Variants in CFAP299 observed in about 807,000 individuals in gnomAD.
CFAP299 encodes cilia- and flagella-associated protein 299.
A neutral mutation model predicts 27.0 loss-of-function variants in CFAP299; 21 were observed. That is an observed-to-expected ratio of 0.78 (90% CI 0.55 to 1.12). The LOEUF (loss-of-function observed/expected upper bound fraction) is 1.12, where lower values mean the gene tolerates loss of function less well. Among genes scored for constraint, CFAP299 ranks in the 50% most tolerant of loss-of-function variants. CFAP299 has a pLI of 0.00. For missense variants in CFAP299, 310 were observed against 276.6 expected (o/e 1.12, Z -0.86); for synonymous variants, 104 against 98.1 (o/e 1.06, Z -0.36).
intron 3 of CFAP299, among the ~76,000 whole-genome samples, chr4:80,780,324 T>C (rs760517334): frequency 1.3e-5 from 2 of 152,118 alleles, no homozygotes; most frequent in Non-Finnish European, 2.9e-5. Context: ...GCTGATGATC[T>C]CTCTATGCCA....
chr4:80,513,004 T>C (rs911848553), intron 2 of CFAP299, among the ~76,000 whole-genome samples: 6 of 152,158 alleles, frequency 3.9e-5, no homozygotes, highest in Admixed American at 1.3e-4. Flanking sequence ...TAACCCAAAT[T>C]GAATTCACAT....
intron 2 of CFAP299, among the ~76,000 whole-genome samples, chr4:80,454,858 G>A (rs567827639): frequency 2.0e-5 from 3 of 152,214 alleles, no homozygotes; most frequent in Admixed American, 6.5e-5. Flanking sequence ...AGGATAACAT[G>A]GTGGGTAGGG....
intron 3 of CFAP299, among the ~76,000 whole-genome samples, chr4:80,653,351 G>A (rs1186355953): frequency 6.6e-6 from 1 of 151,908 alleles, no homozygotes; most frequent in South Asian, 2.1e-4. Context: ...CCATCCCTCT[G>A]TTGTAGTTTA....
intron 3 of CFAP299, among the ~76,000 whole-genome samples, chr4:80,729,928 T>C (rs1334791500): frequency 1.3e-5 from 2 of 152,066 alleles, no homozygotes; most frequent in Non-Finnish European, 2.9e-5. Context: ...AATTTAAGTT[T>C]ACCTTGACAC....
chr4:80,526,499 C>T (rs185151281), intron 2 of CFAP299, among the ~76,000 whole-genome samples: 80 of 152,068 alleles, frequency 5.3e-4, no homozygotes, highest in African/African-American at 1.7e-3. Context: ...AAGTCATCTT[C>T]GATGTTTTTT....
chr4:80,347,057 T>A (rs555384092), intron 1 of CFAP299, among the ~76,000 whole-genome samples: 1 of 152,212 alleles, frequency 6.6e-6, no homozygotes, highest in Non-Finnish European at 1.5e-5. Context: ...AGTTCACTCA[T>A]GATTTAGCTC....
At chr4:80,873,513 A>G (rs13102852) in intron 4 of CFAP299, among the ~76,000 whole-genome samples, 22,694 of 152,124 alleles carry the variant, frequency 0.15, 2,041 homozygotes, top group Middle Eastern at 0.28. Flanking sequence ...GCAGGTTACA[A>G]TTTCAAGTTC....
At chr4:80,591,132 A>AT (rs1175732560) in intron 3 of CFAP299, among the ~76,000 whole-genome samples, 55 of 68,078 alleles carry the variant, frequency 8.1e-4, no homozygotes, top group Non-Finnish European at 1.4e-3. Context: ...TTTTTTTTTT[A>AT]TTTTTTTTTG....
intron 2 of CFAP299, among the ~76,000 whole-genome samples, chr4:80,471,223 T>C (rs1426879168): frequency 6.6e-6 from 1 of 152,116 alleles, no homozygotes; most frequent in African/African-American, 2.4e-5. Flanking sequence ...GGTTATTATA[T>C]ACTATTTTAA....
chr4:80,667,698 A>G (rs1018680502), intron 3 of CFAP299, among the ~76,000 whole-genome samples: 6 of 152,140 alleles, frequency 3.9e-5, no homozygotes, highest in Non-Finnish European at 8.8e-5. Context: ...TTGTATATAT[A>G]CAATTTCTTT....
chr4:80,612,357 C>T (rs1261901636), intron 3 of CFAP299, among the ~76,000 whole-genome samples: 1 of 151,984 alleles, frequency 6.6e-6, no homozygotes, highest in Non-Finnish European at 1.5e-5. Context: ...TCTCAAAGCA[C>T]AATGCTGATT....
In CFAP299 at chr4:80,944,856, A is replaced by C. The variant is rs201959026; in HGVS notation, c.523A>C (p.Asn175His). The change falls in exon 5 of 6, where the codon AAC becomes CAC. Residue 175 changes from asparagine to histidine, a missense_variant. Asn to His is a moderately conservative substitution (Grantham distance 68). Coordinates refer to ENST00000358105, the MANE Select transcript of CFAP299 (RefSeq NM_152770.3). The part of the protein sequence containing the change: ...ADIAVSNSSP[N>H]YQVIADNPEG... ...TATTGCTGTTAGTAATTCAAGTCCC[A>C]ACTATCAAGTGATTGCCGATAATCC... 149 of 1,611,510 alleles carry C rather than the reference A, an allele frequency of 9.2e-5. No individual in the cohort carries two copies. In the African/African-American group the frequency reaches 1.7e-3, roughly 18 times the overall value.
chr4:80,338,875 C>T (rs1722294684), intron 1 of CFAP299, among the ~76,000 whole-genome samples: 1 of 152,182 alleles, frequency 6.6e-6, no homozygotes, highest in Non-Finnish European at 1.5e-5. Flanking sequence ...TTCAGTTAAT[C>T]TGCATAAAAA....
At chr4:80,438,227 T>G (rs1728186741) in intron 2 of CFAP299, among the ~76,000 whole-genome samples, 2 of 152,230 alleles carry the variant, frequency 1.3e-5, no homozygotes, top group South Asian at 4.1e-4. Flanking sequence ...AAGATAACAT[T>G]TGAATAAAAA....
chr4:80,401,343 G>A (rs6819956), intron 2 of CFAP299, among the ~76,000 whole-genome samples: 11 of 152,194 alleles, frequency 7.2e-5, no homozygotes, highest in African/African-American at 2.7e-4. Flanking sequence ...CAGAGGTTCA[G>A]GAGGTAAAAA....
At chr4:80,796,400 T>C (rs1326114938) in intron 3 of CFAP299, among the ~76,000 whole-genome samples, 1 of 152,168 alleles carries the variant, frequency 6.6e-6, no homozygotes, top group African/African-American at 2.4e-5. Context: ...ATTTCATCAA[T>C]GTAATGGACC....
intron 2 of CFAP299, among the ~76,000 whole-genome samples, chr4:80,469,255 G>A (rs149310749): frequency 0.021 from 3,181 of 152,330 alleles, 57 homozygotes; most frequent in Admixed American, 0.061. Context: ...TCTGATGTCT[G>A]CTTACATTCA....
chr4:80,791,501 A>G (rs1344491969), intron 3 of CFAP299, among the ~76,000 whole-genome samples: 1 of 152,124 alleles, frequency 6.6e-6, no homozygotes, highest in African/African-American at 2.4e-5. Context: ...AATTATAGCA[A>G]TTGTTGAGAT....
chr4:80,448,129 A>G (rs184357294), intron 2 of CFAP299, among the ~76,000 whole-genome samples: 3 of 152,338 alleles, frequency 2.0e-5, no homozygotes, highest in Admixed American at 6.5e-5. Context: ...AATATTGCAG[A>G]CTTTATTTCT....
Sources: gnomAD v4.1 joint callset for allele counts (sites outside exome capture counted in the v4.1 genomes callset) on GRCh38, gnomAD v4.1.1 for gene constraint, MANE v1.5 for transcripts, NCBI Gene and HGNC (gene_info 2026-07-23, HGNC 2026-07-21) for gene names.